OSBPL6: variants seen among roughly 807,000 people sequenced by gnomAD.
OSBPL6 encodes the protein oxysterol-binding protein-related protein 6.
A neutral mutation model predicts 125.8 loss-of-function variants in OSBPL6; 49 were observed. The ratio of observed to expected loss-of-function variants is 0.39; its 90% confidence interval spans 0.31 to 0.49. OSBPL6 has a LOEUF of 0.49. OSBPL6 is among the 20% of genes least tolerant of loss of function. The pLI is 0.88. For missense variants in OSBPL6, 986 were observed against 1,135.4 expected, an observed-to-expected ratio of 0.87 and a Z score of 1.89; for synonymous variants, 394 against 391.8, an observed-to-expected ratio of 1.01 and a Z score of -0.07.
chr2:178,208,296 A>AG (rs1255185998), intron 1 of OSBPL6, among the ~76,000 whole-genome samples: 3 of 151,844 alleles, frequency 2.0e-5, no homozygotes, highest in Non-Finnish European at 4.4e-5. Flanking sequence ...AAAAAAAAAA[A>AG]AAAGAAAAAG....
intron 3 of OSBPL6, among the ~76,000 whole-genome samples, chr2:178,317,365 T>C (rs903253017): frequency 1.3e-5 from 2 of 149,398 alleles, no homozygotes; most frequent in Non-Finnish European, 3.0e-5. Flanking sequence ...GGTCACCTTT[T>C]GTCTTCTTTC....
intron 1 of OSBPL6, among the ~76,000 whole-genome samples, chr2:178,274,789 G>T (rs991984868): frequency 2.0e-5 from 3 of 152,116 alleles, no homozygotes; most frequent in Non-Finnish European, 4.4e-5. Context: ...CATCTCTTTT[G>T]TTGTCCACTC....
chr2:178,387,039 G>A (rs1202020371), intron 19 of OSBPL6, 22 bp from the exon 20 acceptor site: 1 of 1,526,096 alleles, frequency 6.6e-7, no homozygotes, highest in Non-Finnish European at 9.1e-7. Context: ...TGTATTTCTT[G>A]TCCTCTCCCT....
chr2:178,259,533 T>G (rs2091991339), intron 1 of OSBPL6, among the ~76,000 whole-genome samples: 1 of 149,382 alleles, frequency 6.7e-6, no homozygotes, highest in South Asian at 2.1e-4. Flanking sequence ...CCAAATGTGT[T>G]TTTCTTCTTC....
At chr2:178,293,462 G>A (rs1290585067) in intron 2 of OSBPL6, among the ~76,000 whole-genome samples, 2 of 151,936 alleles carry the variant, frequency 1.3e-5, no homozygotes, top group East Asian at 3.8e-4. Flanking sequence ...TTACGTTTTT[G>A]CTTTTCTTTG....
chr2:178,211,150 A>G (rs568831758), intron 1 of OSBPL6, among the ~76,000 whole-genome samples: 1 of 152,180 alleles, frequency 6.6e-6, no homozygotes, highest in African/African-American at 2.4e-5. Context: ...GCGCGCCTGT[A>G]GTCCCAGCTC....
At chr2:178,361,394 T>C (rs868655143) in intron 12 of OSBPL6, among the ~76,000 whole-genome samples, 4 of 152,372 alleles carry the variant, frequency 2.6e-5, no homozygotes, top group Middle Eastern at 3.4e-3. Flanking sequence ...TTTCTAAATA[T>C]TGATACTTTG....
chr2:178,356,115 A>G (rs1691763260), intron 12 of OSBPL6, among the ~76,000 whole-genome samples: 1 of 152,200 alleles, frequency 6.6e-6, no homozygotes, highest in South Asian at 2.1e-4. Flanking sequence ...TTTATGACAA[A>G]TTCACAGCCA....
intron 14 of OSBPL6, among the ~76,000 whole-genome samples, chr2:178,373,006 T>C (rs1404166187): frequency 6.6e-6 from 1 of 152,200 alleles, no homozygotes; most frequent in Admixed American, 6.5e-5. Context: ...AGTGGTGATA[T>C]ATGTAACAAG....
chr2:178,301,248 G>A (rs1347294279), intron 2 of OSBPL6, among the ~76,000 whole-genome samples: 2 of 152,044 alleles, frequency 1.3e-5, no homozygotes. Flanking sequence ...TTTTTATAAT[G>A]ATCAAGACTA....
intron 1 of OSBPL6, among the ~76,000 whole-genome samples, chr2:178,199,064 A>G (rs557732705): frequency 2.0e-5 from 3 of 152,352 alleles, no homozygotes; most frequent in Admixed American, 2.0e-4. Flanking sequence ...TAAATGCATC[A>G]TATATCCATT....
intron 1 of OSBPL6, among the ~76,000 whole-genome samples, chr2:178,224,654 G>T (rs1300409136): frequency 6.6e-6 from 1 of 152,170 alleles, no homozygotes; most frequent in Non-Finnish European, 1.5e-5. Context: ...GTCAGTTCTG[G>T]CCAGGTGTGG....
chr2:178,339,180 C>T, intron 10 of OSBPL6, 86 bp downstream of exon 10: 1 of 735,202 alleles, frequency 1.4e-6, no homozygotes, highest in South Asian at 2.5e-5. Flanking sequence ...TATAAGGTAA[C>T]ATTTAAAGAT....
intron 1 of OSBPL6, among the ~76,000 whole-genome samples, chr2:178,201,333 T>C (rs1176908947): frequency 6.6e-6 from 1 of 152,184 alleles, no homozygotes; most frequent in East Asian, 1.9e-4. Context: ...AGTGATTCTT[T>C]TGGGATTACT....
chr2:178,343,230 T>A (rs1251477818), intron 11 of OSBPL6, among the ~76,000 whole-genome samples: 6 of 151,988 alleles, frequency 3.9e-5, no homozygotes, highest in African/African-American at 1.4e-4. Flanking sequence ...GAAATGAAAT[T>A]ATTGCTCATG....
chr2:178,228,496 C>T (rs1014226876), intron 1 of OSBPL6, among the ~76,000 whole-genome samples: 3 of 152,228 alleles, frequency 2.0e-5, no homozygotes, highest in African/African-American at 7.2e-5. Flanking sequence ...GATTGTGCCA[C>T]TGCACTCCGG....
intron 8 of OSBPL6, among the ~76,000 whole-genome samples, chr2:178,333,668 C>A (rs1488547396): frequency 6.6e-6 from 1 of 152,148 alleles, no homozygotes; most frequent in Non-Finnish European, 1.5e-5. Context: ...AATCAACATT[C>A]AGAAATCAGG....
intron 1 of OSBPL6, among the ~76,000 whole-genome samples, chr2:178,217,777 G>A (rs2090151411): frequency 1.3e-5 from 2 of 152,172 alleles, no homozygotes; most frequent in Admixed American, 1.3e-4. Flanking sequence ...TACTGTACAG[G>A]TGGCTGACAA....
intron 12 of OSBPL6, among the ~76,000 whole-genome samples, chr2:178,350,061 A>G (rs1232315227): frequency 2.0e-5 from 3 of 152,176 alleles, no homozygotes; most frequent in Admixed American, 6.5e-5. Context: ...TTCTACTTCC[A>G]TTGTATTCTA....
Sources: allele counts gnomAD v4.1 joint callset (sites outside exome capture counted in the v4.1 genomes callset), GRCh38; gene constraint gnomAD v4.1.1; transcripts MANE v1.5; gene names NCBI Gene and HGNC (gene_info 2026-07-23, HGNC 2026-07-21).